Variants in EDIL3 observed in about 807,000 individuals in gnomAD.
The protein encoded by EDIL3 is EGF like and discoidin domains 3.
Under a neutral mutation model 67.4 loss-of-function variants are expected in EDIL3, and 37 were observed. That is an observed-to-expected ratio of 0.55 (90% CI 0.42 to 0.72). EDIL3 has a LOEUF of 0.72. Among genes scored for constraint, EDIL3 ranks in the 30% least tolerant of loss-of-function variants. EDIL3 has a pLI of 0.00. For missense variants in EDIL3, 527 were observed against 586.3 expected, an observed-to-expected ratio of 0.90 and a Z score of 1.04; for synonymous variants, 195 against 196.3, an observed-to-expected ratio of 0.99 and a Z score of 0.05.
At chr5:84,340,534 C>CTCTCTATATA (rs1432966515) in intron 1 of EDIL3, among the ~76,000 whole-genome samples, 16 of 54,204 alleles carry the variant, frequency 3.0e-4, no homozygotes, top group East Asian at 6.9e-4. Flanking sequence ...CTCTCTCTCT[C>CTCTCTATATA]TATATATATA....
intron 1 of EDIL3, among the ~76,000 whole-genome samples, chr5:84,339,241 C>G (rs1389320060): frequency 6.6e-6 from 1 of 152,112 alleles, no homozygotes; most frequent in East Asian, 1.9e-4. Flanking sequence ...GTTAATATAA[C>G]AGGGATAATG....
intron 7 of EDIL3, 99 bp downstream of exon 7, chr5:84,066,352 T>C: frequency 7.6e-7 from 1 of 1,313,480 alleles, no homozygotes; most frequent in East Asian, 2.8e-5. Flanking sequence ...TAATTTATTT[T>C]CATCAACATA....
At chr5:84,383,464 T>G (rs1176199025) in intron 1 of EDIL3, among the ~76,000 whole-genome samples, 1 of 152,232 alleles carries the variant, frequency 6.6e-6, no homozygotes, top group Non-Finnish European at 1.5e-5. Flanking sequence ...TCTTTTTAAT[T>G]TAATTTGATT....
At chr5:84,218,813 G>C (rs904666083) in intron 3 of EDIL3, among the ~76,000 whole-genome samples, 1 of 152,136 alleles carries the variant, frequency 6.6e-6, no homozygotes, top group Non-Finnish European at 1.5e-5. Context: ...GTGGCCATGG[G>C]GAGAGAGTCC....
intron 4 of EDIL3, among the ~76,000 whole-genome samples, chr5:84,141,166 A>G (rs1452967872): frequency 6.6e-6 from 1 of 152,046 alleles, no homozygotes; most frequent in Non-Finnish European, 1.5e-5. Flanking sequence ...TTAATTAATG[A>G]AGAAAAAACT....
intron 6 of EDIL3, among the ~76,000 whole-genome samples, chr5:84,092,203 T>C (rs1237315628): frequency 6.6e-6 from 1 of 152,180 alleles, no homozygotes; most frequent in African/African-American, 2.4e-5. Flanking sequence ...ATTTTTTTTA[T>C]GATAAAAGCA....
rs1054726990 is a variant in EDIL3, at chr5:84,276,840, G to A, written c.68-22628C>T. 7.9e-5 allele frequency among the ~76,000 whole-genome samples: 12 copies of A among 152,012 alleles called. No individual in the cohort carries two copies. The East Asian group carries it at 2.1e-3, about 27-fold the overall frequency. ...ACCCGCCTAGGCCTCCCAAAGTGCT[G>A]GGATTACAGGCTTGAGACAACACGC... On this transcript the variant is annotated intron_variant, in intron 1 of 10. Coordinates refer to ENST00000296591, the MANE Select transcript of EDIL3 (RefSeq NM_005711.5).
intron 6 of EDIL3, among the ~76,000 whole-genome samples, chr5:84,075,547 C>T (rs962544750): frequency 3.3e-5 from 5 of 151,974 alleles, no homozygotes; most frequent in Admixed American, 2.6e-4. Flanking sequence ...GCAATCTCAG[C>T]TCACTGCAAA....
intron 3 of EDIL3, among the ~76,000 whole-genome samples, chr5:84,204,485 T>C (rs898891511): frequency 6.6e-6 from 1 of 152,182 alleles, no homozygotes; most frequent in South Asian, 2.1e-4. Context: ...ATCCAACCTG[T>C]TCTTTATTTA....
chr5:84,186,018 C>A (rs913927027), intron 3 of EDIL3, among the ~76,000 whole-genome samples: 2 of 152,042 alleles, frequency 1.3e-5, no homozygotes, highest in South Asian at 2.1e-4. Flanking sequence ...AAGGTCTCAA[C>A]TTACAAAAGT....
At chr5:84,231,379 C>T (rs1336540830) in intron 2 of EDIL3, among the ~76,000 whole-genome samples, 1 of 152,238 alleles carries the variant, frequency 6.6e-6, no homozygotes, top group East Asian at 1.9e-4. Flanking sequence ...CTGTACAGAA[C>T]TGCAGTTTAC....
chr5:84,161,323 G>A (rs922941609), intron 4 of EDIL3, among the ~76,000 whole-genome samples: 1 of 151,938 alleles, frequency 6.6e-6, no homozygotes, highest in African/African-American at 2.4e-5. Context: ...CAAGACGAAT[G>A]CCTTTTTAAA....
chr5:84,196,366 C>T (rs1227984965), intron 3 of EDIL3, among the ~76,000 whole-genome samples: 1 of 151,976 alleles, frequency 6.6e-6, no homozygotes, highest in East Asian at 1.9e-4. Context: ...ACTTTCACAA[C>T]AATGATTACC....
intron 9 of EDIL3, among the ~76,000 whole-genome samples, chr5:84,028,917 C>A (rs2112200127): frequency 6.6e-6 from 1 of 152,130 alleles, no homozygotes; most frequent in Non-Finnish European, 1.5e-5. Flanking sequence ...ATCATGGGGG[C>A]AAGTCTTTCC....
chr5:83,973,257 T>G (rs1000820667), intron 9 of EDIL3, among the ~76,000 whole-genome samples: 1 of 152,114 alleles, frequency 6.6e-6, no homozygotes, highest in Non-Finnish European at 1.5e-5. Context: ...CTATAATTGA[T>G]AGGGTCATTA....
rs144546747 is a variant in EDIL3 at position 84,008,963 on chromosome 5, C to A, written c.1138-45603G>T. 1.2e-3 allele frequency among the ~76,000 whole-genome samples: 185 copies of A among 152,220 alleles called. 2 individuals are homozygous for A. The highest frequency in any genetic ancestry group is 4.3e-3 in the African/African-American group (179 of 41,550). ...GAGTAGCTGGGATTACAGGTATGCA[C>A]CACCACATCTGGCTAATTTTGTATT... On this transcript the variant is annotated intron_variant, in intron 9 of 10. Coordinates refer to ENST00000296591, the MANE Select transcript of EDIL3 (RefSeq NM_005711.5).
chr5:84,090,713 C>T lies in EDIL3; in HGVS notation c.651+15936G>A, dbSNP rs4643929. Among the ~76,000 whole-genome samples, 889 of 151,866 alleles carry T rather than the reference C, an allele frequency of 5.9e-3. 11 individuals carry two copies. Among genetic ancestry groups the T allele is most frequent in the African/African-American group, 0.021 (849 of 41,414 alleles). The stretch of plus-strand genomic sequence containing the variant: ...CTGTTATCCCAGCACTTTGGGAGGT[C>T]GAGGTGGGTGGATCACGAGCTCAAG... On this transcript the variant is annotated intron_variant, in intron 6 of 10. Coordinates refer to ENST00000296591, the MANE Select transcript of EDIL3 (RefSeq NM_005711.5).
chr5:84,051,496 T>C (rs1746338170), intron 9 of EDIL3, among the ~76,000 whole-genome samples: 1 of 152,056 alleles, frequency 6.6e-6, no homozygotes, highest in African/African-American at 2.4e-5. Context: ...AGGCTTCAGA[T>C]GATCAAACTT....
chr5:84,132,370 ATATTATATATAATATATT>A (rs1448806293), intron 5 of EDIL3, among the ~76,000 whole-genome samples: 10 of 13,630 alleles, frequency 7.3e-4, no homozygotes, highest in Admixed American at 1.4e-3. Context: ...TATATTATAT[ATATTATATATAATATATT>A]TTATATATAA....
Sources: allele counts gnomAD v4.1 joint callset (sites outside exome capture counted in the v4.1 genomes callset), GRCh38; gene constraint gnomAD v4.1.1; transcripts MANE v1.5; gene names NCBI Gene and HGNC (gene_info 2026-07-23, HGNC 2026-07-21).